The following LRP1B variants were observed in gnomAD, a reference collection of about 807,000 sequenced individuals.
LRP1B encodes the protein low-density lipoprotein receptor-related protein 1B.
Under a neutral mutation model 556.6 loss-of-function variants are expected in LRP1B, and 217 were observed. That is an observed-to-expected ratio of 0.39 (90% CI 0.35 to 0.44). The LOEUF (loss-of-function observed/expected upper bound fraction) is 0.44, where lower values mean the gene tolerates loss of function less well. Among genes scored for constraint, LRP1B ranks in the 20% least tolerant of loss-of-function variants. LRP1B has a pLI of 1.00. For synonymous variants in LRP1B, 2,047 were observed against 1,865.8 expected, an observed-to-expected ratio of 1.10 and a Z score of -2.50; for missense variants, 5,053 against 5,620.8, an observed-to-expected ratio of 0.90 and a Z score of 3.23.
In LRP1B at chr2:140,735,401, T is replaced by A. The variant is rs143964444; in HGVS notation, c.5759-18585A>T. Among the ~76,000 whole-genome samples, 611 of 152,280 alleles carry A rather than the reference T, an allele frequency of 4.0e-3. 6 individuals carry two copies. The highest frequency in any genetic ancestry group is 0.014 in the African/African-American group (588 of 41,562). On this transcript the variant is annotated intron_variant, in intron 35 of 90. Coordinates refer to ENST00000389484, the MANE Select transcript of LRP1B (RefSeq NM_018557.3). ...TTAAGACTAAATGTGAGAGCCAGAT[T>A]TGGTAGATTACAAAGAGGCTCATAA...
chr2:141,286,901 T>C, intron 3 of LRP1B: 1 of 261,112 alleles, frequency 3.8e-6, no homozygotes, highest in South Asian at 3.4e-5. Flanking sequence ...TGGTAACTAA[T>C]AGCCATATGT....
At chr2:141,826,934 C>T (rs1212643822) in intron 1 of LRP1B, among the ~76,000 whole-genome samples, 1 of 152,128 alleles carries the variant, frequency 6.6e-6, no homozygotes, top group East Asian at 1.9e-4. Context: ...TAAATATCCG[C>T]GTTTCTGTCA....
intron 2 of LRP1B, among the ~76,000 whole-genome samples, chr2:141,779,250 C>T (rs10496896): frequency 0.38 from 58,103 of 151,774 alleles, 12,085 homozygotes; most frequent in Admixed American, 0.5. Flanking sequence ...CTAAAATTCC[C>T]TGTCTCCATG....
At chr2:140,764,927 A>T (rs1157984965) in intron 35 of LRP1B, among the ~76,000 whole-genome samples, 1 of 152,188 alleles carries the variant, frequency 6.6e-6, no homozygotes, top group Non-Finnish European at 1.5e-5. Context: ...GGTGTAAAAA[A>T]ATAATAAAAT....
At chr2:140,628,297 G>A (rs1354268744) in intron 41 of LRP1B, among the ~76,000 whole-genome samples, 5 of 152,218 alleles carry the variant, frequency 3.3e-5, no homozygotes, top group South Asian at 2.1e-4. Flanking sequence ...TTGGGAGGCC[G>A]AGGCGGGAGG....
At chr2:141,453,251 T>G (rs568779132) in intron 3 of LRP1B, among the ~76,000 whole-genome samples, 1 of 151,698 alleles carries the variant, frequency 6.6e-6, no homozygotes, top group East Asian at 2.0e-4. Context: ...TAAAAAAAAA[T>G]ACACAAAATA....
At chr2:140,408,094 A>T (rs1311039641) in intron 66 of LRP1B, among the ~76,000 whole-genome samples, 1 of 151,956 alleles carries the variant, frequency 6.6e-6, no homozygotes, top group Non-Finnish European at 1.5e-5. Flanking sequence ...AATCAAATAC[A>T]ATATGTTCTC....
intron 45 of LRP1B, among the ~76,000 whole-genome samples, chr2:140,540,648 C>G (rs1021750272): frequency 6.6e-6 from 1 of 152,054 alleles, no homozygotes; most frequent in African/African-American, 2.4e-5. Context: ...ATTACTTTTG[C>G]TATTGATTGA....
At chr2:141,860,989 T>A (rs1411688402) in intron 1 of LRP1B, among the ~76,000 whole-genome samples, 1 of 152,202 alleles carries the variant, frequency 6.6e-6, no homozygotes, top group East Asian at 1.9e-4. Context: ...GAAAGCAAAT[T>A]CGTATATTGC....
intron 7 of LRP1B, among the ~76,000 whole-genome samples, chr2:141,112,642 AG>A (rs1166737137): frequency 6.6e-6 from 1 of 152,232 alleles, no homozygotes; most frequent in Non-Finnish European, 1.5e-5. Flanking sequence ...CACATGTAAA[AG>A]ATTATATTAT....
chr2:141,355,245 C>T (rs1688584336), intron 3 of LRP1B, among the ~76,000 whole-genome samples: 1 of 151,974 alleles, frequency 6.6e-6, no homozygotes, highest in Admixed American at 6.6e-5. Context: ...CATATCAGCA[C>T]ATTATTTTCA....
At chr2:140,903,649 T>A (rs759267501) in intron 22 of LRP1B, among the ~76,000 whole-genome samples, 3 of 152,088 alleles carry the variant, frequency 2.0e-5, no homozygotes, top group Non-Finnish European at 4.4e-5. Context: ...TTTGCAACAC[T>A]TGTACAGTCC....
intron 7 of LRP1B, among the ~76,000 whole-genome samples, chr2:141,133,177 G>A (rs2141921): frequency 0.035 from 5,301 of 151,826 alleles, 145 homozygotes; most frequent in East Asian, 0.16. Context: ...CAAAAAGCTC[G>A]AGACAGAAAA....
chr2:140,847,900 T>C (rs944460905), intron 29 of LRP1B, among the ~76,000 whole-genome samples: 2 of 152,200 alleles, frequency 1.3e-5, no homozygotes. Flanking sequence ...TGGTTGATAA[T>C]TGTGAATAGA....
At chr2:140,747,968 T>C in intron 35 of LRP1B, among the ~76,000 whole-genome samples, 1 of 151,174 alleles carries the variant, frequency 6.6e-6, no homozygotes. Flanking sequence ...TATTGTTCCA[T>C]GCCACTTAGT....
Position 142,001,944 on chromosome 2 carries a change from C to T in LRP1B, c.82+128704G>A, listed in dbSNP as rs114981930. ...CTTATGTTTATTTTAATGGGATTTG[C>T]ACCATGAAATCAGTACAAAACACTT... On this transcript the variant is annotated intron_variant, in intron 1 of 90. Coordinates refer to ENST00000389484, the MANE Select transcript of LRP1B (RefSeq NM_018557.3). Among the ~76,000 whole-genome samples the T allele has an allele frequency of 2.8e-3, 431 of 152,222 alleles. 1 individual carries two copies. Among genetic ancestry groups the T allele is most frequent in the Non-Finnish European group, 4.9e-3 (334 of 68,010 alleles).
At chr2:140,316,450 A>G (rs970235244) in intron 82 of LRP1B, among the ~76,000 whole-genome samples, 1 of 152,128 alleles carries the variant, frequency 6.6e-6, no homozygotes, top group Non-Finnish European at 1.5e-5. Context: ...GTGCCATACA[A>G]TTCTGAGACT....
rs912459262 is a variant in LRP1B at position 141,375,786 on chromosome 2, C to T, written c.343+104610G>A. Among the ~76,000 whole-genome samples, 6 of 152,166 alleles carry T rather than the reference C, an allele frequency of 3.9e-5. No individual in the cohort carries two copies. In the East Asian group the frequency reaches 9.7e-4, roughly 25 times the overall value. On this transcript the variant is annotated intron_variant, in intron 3 of 90. Transcript: ENST00000389484. ...AAGAAGCCGTGGGTGGTGCTTTCTA[C>T]TCATATCTCAGTCTCACAGCAGACC...
chr2:140,346,852 T>C (rs1187904402), intron 77 of LRP1B, among the ~76,000 whole-genome samples: 1 of 151,910 alleles, frequency 6.6e-6, no homozygotes, highest in African/African-American at 2.4e-5. Context: ...GAAAACAAAA[T>C]GGCCTAATCA....
Sources: gnomAD v4.1 joint callset for allele counts (sites outside exome capture counted in the v4.1 genomes callset) on GRCh38, gnomAD v4.1.1 for gene constraint, MANE v1.5 for transcripts, NCBI Gene and HGNC (gene_info 2026-07-23, HGNC 2026-07-21) for gene names.